FTO: variants seen among roughly 807,000 people sequenced by gnomAD.
FTO encodes alpha-ketoglutarate-dependent dioxygenase FTO.
FTO carries 47 observed loss-of-function variants against 63.9 expected under a neutral mutation model. That is an observed-to-expected ratio of 0.74 (90% confidence interval 0.58 to 0.94). The LOEUF (loss-of-function observed/expected upper bound fraction) is 0.94, where lower values mean the gene tolerates loss of function less well. FTO is among the 40% of genes least tolerant of loss of function. The probability of loss-of-function intolerance (pLI) is 0.00; values close to 1 mark genes in which losing one functional copy is unlikely to be tolerated. For synonymous variants in FTO, 207 were observed against 224.4 expected, an observed-to-expected ratio of 0.92 and a Z score of 0.69; for missense variants, 562 against 618.1, an observed-to-expected ratio of 0.91 and a Z score of 0.96.
chr16:53,706,678 C>T (rs552284512), intron 1 of FTO, among the ~76,000 whole-genome samples: 2 of 152,140 alleles, frequency 1.3e-5, no homozygotes, highest in East Asian at 1.9e-4. Context: ...GGATTATAGG[C>T]GTGAGCCACT....
intron 7 of FTO, among the ~76,000 whole-genome samples, chr16:53,893,510 T>A (rs1168221293): frequency 2.0e-5 from 3 of 152,172 alleles, no homozygotes; most frequent in African/African-American, 7.2e-5. Context: ...ATAGGCCATT[T>A]GTCTCTCAGG....
intron 1 of FTO, among the ~76,000 whole-genome samples, chr16:53,773,376 CTT>C (rs926525920): frequency 6.6e-6 from 1 of 152,032 alleles, no homozygotes; most frequent in African/African-American, 2.4e-5. Context: ...CCATAGAACA[CTT>C]TTGTTATCTT....
At chr16:53,928,236 A>C (rs1297205300) in intron 7 of FTO, among the ~76,000 whole-genome samples, 2 of 152,166 alleles carry the variant, frequency 1.3e-5, no homozygotes, top group East Asian at 3.8e-4. Flanking sequence ...AAATTTAGCC[A>C]CCAGGACACG....
chr16:53,999,457 T>C lies in FTO; in HGVS notation c.1364+65348T>C, dbSNP rs193019042. Among the ~76,000 whole-genome samples, 281 of 152,278 alleles carry C rather than the reference T, an allele frequency of 1.8e-3. 2 individuals are homozygous for C. Among genetic ancestry groups the C allele is most frequent in the African/African-American group, 5.9e-3 (247 of 41,562 alleles). On this transcript the variant is annotated intron_variant, in intron 8 of 8. Coordinates refer to ENST00000471389, the MANE Select transcript of FTO (RefSeq NM_001080432.3). ...GGGTTTGTAACTCATCTCTCCCAGCTTAGGTCCTGTGGAGACAAGCTGTCA... is the reference window on the plus strand; with the variant it reads ...GGGTTTGTAACTCATCTCTCCCAGCCTAGGTCCTGTGGAGACAAGCTGTCA...
chr16:53,858,808 G>A (rs1009490086), intron 4 of FTO, among the ~76,000 whole-genome samples: 4 of 151,972 alleles, frequency 2.6e-5, no homozygotes, highest in South Asian at 2.1e-4. Flanking sequence ...CTATAGGCTC[G>A]TGCCACCACG....
chr16:53,804,752 A>G (rs2078317257), intron 1 of FTO, among the ~76,000 whole-genome samples: 1 of 151,420 alleles, frequency 6.6e-6, no homozygotes, highest in South Asian at 2.1e-4. Flanking sequence ...AGAAGCTGGA[A>G]TTACAGGTGT....
At chr16:53,815,083 CAG>C (rs56202708) in intron 2 of FTO, among the ~76,000 whole-genome samples, 90,696 of 147,572 alleles carry the variant, frequency 0.61, 28,063 homozygotes, top group African/African-American at 0.75. Flanking sequence ...GGGAGACGGT[CAG>C]AGAGAGAGAG....
chr16:53,971,760 C>T (rs949089740), intron 8 of FTO, among the ~76,000 whole-genome samples: 1 of 152,174 alleles, frequency 6.6e-6, no homozygotes, highest in South Asian at 2.1e-4. Flanking sequence ...AAGCAGGATC[C>T]CCTTCCCGAA....
intron 8 of FTO, among the ~76,000 whole-genome samples, chr16:54,029,006 A>T (rs1257502113): frequency 2.0e-5 from 3 of 152,210 alleles, no homozygotes; most frequent in Non-Finnish European, 2.9e-5. Context: ...AACAGCACAA[A>T]TACCTTAATT....
At chr16:53,996,673 T>A (rs112029302) in intron 8 of FTO, among the ~76,000 whole-genome samples, 7,772 of 152,168 alleles carry the variant, frequency 0.051, 240 homozygotes, top group Middle Eastern at 0.12. Flanking sequence ...GAAAGAGGTT[T>A]AATTGACTCA....
At chr16:53,833,765 G>A (rs1181628701) in intron 3 of FTO, among the ~76,000 whole-genome samples, 1 of 152,162 alleles carries the variant, frequency 6.6e-6, no homozygotes, top group Non-Finnish European at 1.5e-5. Context: ...TTTGATAACA[G>A]CCATCATAAT....
At chr16:54,071,250 T>G (rs1277692813) in intron 8 of FTO, 1 of 152,142 alleles carries the variant, frequency 6.6e-6, no homozygotes, top group Non-Finnish European at 1.5e-5. Context: ...GAGAAGAACT[T>G]AGCACAGGCC....
chr16:53,900,608 C>CTTTTTTTTTTTTTTTTTTTTT (rs752080961), intron 7 of FTO, among the ~76,000 whole-genome samples: 1 of 67,160 alleles, frequency 1.5e-5, no homozygotes. Flanking sequence ...TCATCTGCTC[C>CTTTTTTTTTTTTTTTTTTTTT]TTTTTTTTTT....
At chr16:53,839,089 T>C (rs1191302289) in intron 3 of FTO, among the ~76,000 whole-genome samples, 1 of 152,204 alleles carries the variant, frequency 6.6e-6, no homozygotes, top group African/African-American at 2.4e-5. Context: ...AAATAGAATT[T>C]TTTCTCAAAA....
intron 4 of FTO, among the ~76,000 whole-genome samples, chr16:53,871,409 C>A (rs1214667737): frequency 6.6e-6 from 1 of 152,026 alleles, no homozygotes; most frequent in Non-Finnish European, 1.5e-5. Context: ...GTTCACTGAT[C>A]TTTTCTTCTG....
intron 4 of FTO, among the ~76,000 whole-genome samples, chr16:53,860,413 G>A (rs1241336901): frequency 6.6e-6 from 1 of 152,202 alleles, no homozygotes; most frequent in Non-Finnish European, 1.5e-5. Context: ...AACTGTATTA[G>A]TCTGTCACAT....
chr16:53,724,538 G>C (rs2076109579), intron 1 of FTO, among the ~76,000 whole-genome samples: 2 of 152,202 alleles, frequency 1.3e-5, no homozygotes, highest in African/African-American at 4.8e-5. Context: ...AATTATTACT[G>C]TGTCCTGGGT....
At chr16:53,994,789 A>G (rs778877727) in intron 8 of FTO, among the ~76,000 whole-genome samples, 4 of 151,464 alleles carry the variant, frequency 2.6e-5, no homozygotes, top group African/African-American at 7.3e-5. Context: ...ACTGCAGTAC[A>G]GTGGTGCAAT....
At chr16:53,773,448 T>G (rs1445832000) in intron 1 of FTO, among the ~76,000 whole-genome samples, 2 of 152,172 alleles carry the variant, frequency 1.3e-5, no homozygotes, top group South Asian at 2.1e-4. Flanking sequence ...CAGGGCATAG[T>G]GTAATATATT....
Sources: allele counts gnomAD v4.1 joint callset (sites outside exome capture counted in the v4.1 genomes callset), GRCh38; gene constraint gnomAD v4.1.1; transcripts MANE v1.5; gene names NCBI Gene and HGNC (gene_info 2026-07-23, HGNC 2026-07-21).